Variants in GRIA2 observed in about 807,000 individuals in gnomAD.
The protein encoded by GRIA2 is glutamate receptor 2.
GRIA2 carries 14 observed loss-of-function variants against 97.3 expected under a neutral mutation model. The observed-to-expected ratio is 0.14, with a 90% CI of 0.10 to 0.23. GRIA2 has a LOEUF of 0.23. Ranked by LOEUF, GRIA2 falls within the 10% of genes least tolerant of loss-of-function variation. The pLI is 1.00. For missense variants in GRIA2, 558 were observed against 1,069.8 expected (o/e 0.52, Z 6.67); for synonymous variants, 412 against 387.8 (o/e 1.06, Z -0.73).
intron 2 of GRIA2, among the ~76,000 whole-genome samples, chr4:157,254,915 A>C (rs113041715): frequency 1.5e-4 from 23 of 152,190 alleles, no homozygotes; most frequent in African/African-American, 5.5e-4. Context: ...TTATGAAAAT[A>C]TAGTGCACAT....
intron 2 of GRIA2, among the ~76,000 whole-genome samples, chr4:157,251,960 T>A (rs1731039431): frequency 6.6e-6 from 1 of 152,100 alleles, no homozygotes; most frequent in Admixed American, 6.6e-5. Context: ...ATTAATAATA[T>A]CAAGACATAG....
chr4:157,243,221 G>A (rs958449643), intron 2 of GRIA2, among the ~76,000 whole-genome samples: 1 of 152,064 alleles, frequency 6.6e-6, no homozygotes, highest in African/African-American at 2.4e-5. Flanking sequence ...ATTTTAGAGA[G>A]TAGGCAAATT....
At position 157,306,656 on chromosome 4, in the gene GRIA2, A is replaced by G. The variant is rs575270398; in HGVS notation, c.469+2865A>G. Among the ~76,000 whole-genome samples the G allele has an allele frequency of 2.6e-5, 4 of 152,300 alleles. No homozygotes were observed. The East Asian group carries it at 7.7e-4, about 29-fold the overall frequency. On this transcript the variant is annotated intron_variant, in intron 3 of 15. Transcript: ENST00000264426. ...CATAAATATGTAAGACTCTCATAAT[A>G]CTGGCAAAAGACTTGACCTTTGTGT...
Position 157,361,012 on chromosome 4 carries a change from A to T in GRIA2, c.2294A>T (p.Asn765Ile). 1 of 1,600,670 alleles carries T rather than the reference A, an allele frequency of 6.2e-7. No homozygotes were observed. Among genetic ancestry groups the T allele is most frequent in the Non-Finnish European group, 8.6e-7 (1 of 1,168,016 alleles). The change falls in exon 14 of 16, where the codon AAT (asparagine) becomes ATT (isoleucine). Residue 765 changes from asparagine to isoleucine, a missense_variant and splice_region_variant. Transcript: ENST00000264426. The surrounding 1 kb of genome is among the most constrained non-coding windows in gnomAD (Gnocchi z 5.2). ...IATPKGSSLRNAVNLAVLKLN... is the reference protein window; with the variant it reads ...IATPKGSSLRIAVNLAVLKLN... Reference sequence around the variant, plus strand: ...CAAGTATGTTTTATCGTTTCAAGAAATGCGGTTAACCTCGCAGTACTAAAA... The same window carrying T: ...CAAGTATGTTTTATCGTTTCAAGAATTGCGGTTAACCTCGCAGTACTAAAA...
At position 157,321,678 on chromosome 4, in the gene GRIA2, G is replaced by GA. The variant is rs535792149; in HGVS notation, c.882+83dup. 2.0e-4 allele frequency: 194 copies of GA among 953,088 alleles called. No homozygotes were observed. The African/African-American group carries it at 2.9e-3, about 14-fold the overall frequency. 59.0% of individuals were successfully genotyped at this position (953,088 alleles called of 1,614,324 possible). ...AGTCTTGGCAAATAAGGAGGAAGGA[G>GA]AAAATAATAAAGGGAGTAGAGAGCA... On this transcript the variant is annotated intron_variant, in intron 6 of 15. Coordinates refer to ENST00000264426, the MANE Select transcript of GRIA2 (RefSeq NM_001083619.3).
chr4:157,230,630 C>T (rs562295554), intron 2 of GRIA2, among the ~76,000 whole-genome samples: 2 of 148,042 alleles, frequency 1.4e-5, no homozygotes, highest in South Asian at 4.3e-4. Context: ...TTTCTGCTTC[C>T]TTTCTTCCTT....
chr4:157,222,873 C>T (rs1560997679), intron 2 of GRIA2, among the ~76,000 whole-genome samples: 1 of 152,224 alleles, frequency 6.6e-6, no homozygotes. Flanking sequence ...GCGCTCGCTC[C>T]CCCGCGCAGG....
chr4:157,286,995 T>C (rs1316493734), intron 2 of GRIA2, among the ~76,000 whole-genome samples: 2 of 151,590 alleles, frequency 1.3e-5, no homozygotes, highest in Admixed American at 6.6e-5. Context: ...TGATCAATTC[T>C]AGAAAAATTT....
Position 157,320,817 on chromosome 4 carries a change from C to A in GRIA2, c.721-621C>A, listed in dbSNP as rs541128684. Among the ~76,000 whole-genome samples the A allele has an allele frequency of 2.2e-3, 336 of 152,100 alleles. 1 individual carries two copies. The highest frequency in any genetic ancestry group is 7.7e-3 in the African/African-American group (320 of 41,544). ...TTCATGTCAGCACAATATTTGAAATCAATGTAAATATCACATAATAGTTTT... is the reference window on the plus strand; with the variant it reads ...TTCATGTCAGCACAATATTTGAAATAAATGTAAATATCACATAATAGTTTT... On this transcript the variant is annotated intron_variant, in intron 5 of 15. Transcript: ENST00000264426.
intron 2 of GRIA2, among the ~76,000 whole-genome samples, chr4:157,291,869 T>A (rs1169631242): frequency 1.3e-5 from 2 of 151,846 alleles, no homozygotes; most frequent in Admixed American, 1.3e-4. Context: ...TCACTAGATA[T>A]AAAATTATGA....
In GRIA2 at chr4:157,333,829, AT is replaced by A. The variant is rs1457550800; in HGVS notation, c.1156-174del. 2.0e-5 allele frequency among the ~76,000 whole-genome samples: 3 copies of A among 152,058 alleles called. No homozygotes were observed. The East Asian group carries it at 5.8e-4, about 29-fold the overall frequency. ...ATGAAGAGACAAGTCATTTTTAGGA[AT>A]TTTTTTATACTTCCTTTTATTCCTG... On this transcript the variant is annotated intron_variant, in intron 8 of 15. Transcript: ENST00000264426.
chr4:157,340,934 A>G (rs1371211579), intron 11 of GRIA2, among the ~76,000 whole-genome samples: 1 of 152,038 alleles, frequency 6.6e-6, no homozygotes, highest in South Asian at 2.1e-4. Context: ...GTTTACTTAC[A>G]TCATGAGTGG....
chr4:157,355,246 G>A (rs1375442046), intron 12 of GRIA2, among the ~76,000 whole-genome samples: 1 of 151,298 alleles, frequency 6.6e-6, no homozygotes, highest in Non-Finnish European at 1.5e-5. Flanking sequence ...ACAGTCTTCC[G>A]GCCGGGCACA....
At chr4:157,229,768 G>T (rs1438901366) in intron 2 of GRIA2, among the ~76,000 whole-genome samples, 1 of 151,934 alleles carries the variant, frequency 6.6e-6, no homozygotes, top group Non-Finnish European at 1.5e-5. Context: ...TTTCAATAGG[G>T]TATTTTATTT....
rs74855238 is a variant in GRIA2, at chr4:157,263,127, C to A, written c.230-40425C>A. 1.1e-3 allele frequency among the ~76,000 whole-genome samples: 172 copies of A among 152,130 alleles called. 3 individuals are homozygous for A. The East Asian group carries it at 0.031, about 27-fold the overall frequency. ...GGCCACAATCTTACATGGTTATTTCCTTTGAGTGGAGAAGCCGAAAATATA... is the reference window on the plus strand; with the variant it reads ...GGCCACAATCTTACATGGTTATTTCATTTGAGTGGAGAAGCCGAAAATATA... On this transcript the variant is annotated intron_variant, in intron 2 of 15. Coordinates refer to ENST00000264426, the MANE Select transcript of GRIA2 (RefSeq NM_001083619.3).
At chr4:157,299,087 T>A (rs1733496723) in intron 2 of GRIA2, among the ~76,000 whole-genome samples, 1 of 152,008 alleles carries the variant, frequency 6.6e-6, no homozygotes, top group Non-Finnish European at 1.5e-5. Flanking sequence ...GGCAGCTATG[T>A]GGAAAAGAAT....
chr4:157,313,711 A>ATG (rs377507657), intron 4 of GRIA2, among the ~76,000 whole-genome samples: 2,367 of 149,798 alleles, frequency 0.016, 23 homozygotes, highest in Middle Eastern at 0.041. Context: ...CTAGCTGAAA[A>ATG]TGTGTGTGTG....
In GRIA2 at chr4:157,362,891, T is replaced by C. The variant is rs531676627; in HGVS notation, c.2499T>C (p.Ile833=). 2 of 1,613,498 alleles carry C rather than the reference T, an allele frequency of 1.2e-6. No individual in the cohort carries two copies. The highest frequency in any genetic ancestry group is 2.2e-5 in the East Asian group (1 of 44,874). The change falls in exon 15 of 16, where the codon ATT becomes ATC. Residue 833 remains isoleucine, a synonymous_variant. Coordinates refer to ENST00000264426, the MANE Select transcript of GRIA2 (RefSeq NM_001083619.3). ...GTTTGGCAATGCTGGTGGCTTTGATTGAGTTCTGTTACAAGTCAAGGGCCG... is the reference window on the plus strand; with the variant it reads ...GTTTGGCAATGCTGGTGGCTTTGATCGAGTTCTGTTACAAGTCAAGGGCCG... ...GLGLAMLVAL[I]EFCYKSRAEA...
chr4:157,313,018 A>G, intron 4 of GRIA2, 143 bp downstream of exon 4: 1 of 468,586 alleles, frequency 2.1e-6, no homozygotes, highest in Middle Eastern at 5.8e-4. Context: ...ATCATCAATT[A>G]AATTATCTCT....
Sources: gnomAD v4.1 joint callset for allele counts (sites outside exome capture counted in the v4.1 genomes callset) on GRCh38, gnomAD v4.1.1 for gene constraint, Gnocchi (gnomAD v3.1) non-coding constraint, MANE v1.5 for transcripts, NCBI Gene and HGNC (gene_info 2026-07-23, HGNC 2026-07-21) for gene names.